Variants in VPS8 observed in about 807,000 individuals in gnomAD.
VPS8 encodes the protein vacuolar protein sorting-associated protein 8 homolog.
Under a neutral mutation model 216.4 loss-of-function variants are expected in VPS8, and 129 were observed. The observed-to-expected ratio is 0.60, with a 90% confidence interval of 0.52 to 0.69. The LOEUF is 0.69. Among genes scored for constraint, VPS8 ranks in the 30% least tolerant of loss-of-function variants. The pLI is 0.00. For synonymous variants in VPS8, 571 were observed against 565.4 expected, an observed-to-expected ratio of 1.01 and a Z score of -0.14; for missense variants, 1,531 against 1,683.5, an observed-to-expected ratio of 0.91 and a Z score of 1.59.
At chr3:184,934,695 C>T (rs1240191030) in intron 34 of VPS8, among the ~76,000 whole-genome samples, 1 of 151,848 alleles carries the variant, frequency 6.6e-6, no homozygotes, top group Non-Finnish European at 1.5e-5. Context: ...GGTATTAAAC[C>T]AACCTTGATT....
Position 185,052,508 on chromosome 3 carries a change from G to C in VPS8, c.*483G>C, listed in dbSNP as rs1714449838. 1 of 153,568 alleles carries C rather than the reference G, an allele frequency of 6.5e-6. No individual in the cohort carries two copies. The highest frequency in any genetic ancestry group is 2.4e-5 in the African/African-American group (1 of 41,472). 9.5% of individuals were successfully genotyped at this position (153,568 alleles called of 1,614,324 possible). A position where few individuals can be genotyped will look rare whatever the true frequency, so the allele number is the denominator to read the frequency against. Reference sequence around the variant, plus strand: ...ATGCCTTGGAGAGAGCAGACACTGTGGGGGCCAGGGCCATCTCCCTTTAAT... The same window carrying C: ...ATGCCTTGGAGAGAGCAGACACTGTCGGGGCCAGGGCCATCTCCCTTTAAT... On this transcript the variant is annotated 3_prime_UTR_variant, in exon 48 of 48. Transcript: ENST00000625842.
intron 25 of VPS8, chr3:184,901,464 A>G (rs183881331): frequency 1.3e-5 from 2 of 152,042 alleles, no homozygotes; most frequent in Admixed American, 6.5e-5. Context: ...GAATAATATA[A>G]TGCTGCTACA....
chr3:184,938,775 C>G (rs1029855174), intron 35 of VPS8, among the ~76,000 whole-genome samples: 3 of 150,996 alleles, frequency 2.0e-5, no homozygotes, highest in African/African-American at 7.3e-5. Context: ...CACCTATAAT[C>G]CTAGCATTTT....
intron 33 of VPS8, among the ~76,000 whole-genome samples, chr3:184,930,257 A>G (rs1490321049): frequency 6.6e-6 from 1 of 152,190 alleles, no homozygotes; most frequent in Non-Finnish European, 1.5e-5. Flanking sequence ...ATTCAAACCA[A>G]AATTAATTAG....
chr3:184,915,500 G>A, intron 28 of VPS8, 26 bp downstream of exon 28: 1 of 1,606,732 alleles, frequency 6.2e-7, no homozygotes, highest in Non-Finnish European at 8.5e-7. Flanking sequence ...ATTTTAAGGT[G>A]TTTTCAAAGA....
intron 28 of VPS8, among the ~76,000 whole-genome samples, chr3:184,917,391 G>T (rs2109104730): frequency 6.6e-6 from 1 of 152,150 alleles, no homozygotes; most frequent in African/African-American, 2.4e-5. Context: ...AAAAAATTTG[G>T]ACTTCCTTCT....
intron 22 of VPS8, among the ~76,000 whole-genome samples, chr3:184,888,012 G>T (rs1372777099): frequency 1.3e-5 from 2 of 148,284 alleles, no homozygotes; most frequent in African/African-American, 5.0e-5. Flanking sequence ...TTTGGAGACA[G>T]AATCTCGCTC....
rs547050508 is a variant in VPS8, at chr3:185,002,061, G to A, written c.4002+2200G>A. Among the ~76,000 whole-genome samples the A allele has an allele frequency of 5.9e-5, 9 of 152,276 alleles. 1 individual carries two copies. The South Asian group carries it at 1.9e-3, about 32-fold the overall frequency. On this transcript the variant is annotated intron_variant, in intron 45 of 47. Coordinates refer to ENST00000625842, the MANE Select transcript of VPS8 (RefSeq NM_001009921.3). ...GACGAGTTTAAGTGCAACAAACCCA[G>A]AACTAGAAGGTAAGTAGAATGAAAT...
chr3:184,940,001 C>T (rs141138252), intron 35 of VPS8, among the ~76,000 whole-genome samples, 196 bp from the exon 36 acceptor site: 6 of 152,044 alleles, frequency 3.9e-5, no homozygotes, highest in Non-Finnish European at 7.4e-5. Flanking sequence ...AGTGAATGTG[C>T]GACAGTGATT....
rs112846183 is a variant in VPS8, at chr3:184,969,607, T to C, written c.3317-2042T>C. On this transcript the variant is annotated intron_variant, in intron 39 of 47. Coordinates refer to ENST00000625842, the MANE Select transcript of VPS8 (RefSeq NM_001009921.3). Reference sequence around the variant, plus strand: ...ACCACTCCCAGCTAATCTTTGTATTTTTAGTTGAGATGGGGTTTCACCATG... The same window carrying C: ...ACCACTCCCAGCTAATCTTTGTATTCTTAGTTGAGATGGGGTTTCACCATG... Among the ~76,000 whole-genome samples, 304 of 151,034 alleles carry C rather than the reference T, an allele frequency of 2.0e-3. 1 individual carries two copies. The highest frequency in any genetic ancestry group is 0.01 in the Middle Eastern group (3 of 294).
chr3:184,842,186 C>CAAAAAAAAAAAAAAAAAAAAAAA (rs71162267), intron 7 of VPS8, among the ~76,000 whole-genome samples: 6 of 48,978 alleles, frequency 1.2e-4, no homozygotes, highest in East Asian at 2.1e-3. Flanking sequence ...GACTCCGTCT[C>CAAAAAAAAAAAAAAAAAAAAAAA]AAAAAAAAAA....
At chr3:185,023,675 A>AT (rs1756961351) in intron 45 of VPS8, among the ~76,000 whole-genome samples, 1 of 151,936 alleles carries the variant, frequency 6.6e-6, no homozygotes, top group Non-Finnish European at 1.5e-5. Flanking sequence ...TAAATAAATA[A>AT]TTAAAAAAAA....
At chr3:184,842,859 T>C (rs1722439752) in intron 7 of VPS8, among the ~76,000 whole-genome samples, 1 of 152,198 alleles carries the variant, frequency 6.6e-6, no homozygotes, top group South Asian at 2.1e-4. Context: ...GTACTTACCT[T>C]ATACAGAGTC....
intron 40 of VPS8, among the ~76,000 whole-genome samples, chr3:184,980,939 T>A (rs1750098809): frequency 6.6e-6 from 1 of 152,144 alleles, no homozygotes; most frequent in African/African-American, 2.4e-5. Context: ...TATAAGCTGG[T>A]GTATCTTTAA....
chr3:184,940,006 G>C (rs945848129), intron 35 of VPS8, among the ~76,000 whole-genome samples, 191 bp from the exon 36 acceptor site: 1 of 152,150 alleles, frequency 6.6e-6, no homozygotes, highest in Non-Finnish European at 1.5e-5. Context: ...ATGTGCGACA[G>C]TGATTAGAAT....
intron 45 of VPS8, among the ~76,000 whole-genome samples, chr3:185,017,034 C>G (rs1171681387): frequency 1.3e-5 from 2 of 151,808 alleles, no homozygotes; most frequent in Non-Finnish European, 2.9e-5. Context: ...AAGGACATAC[C>G]CCATTTCATG....
chr3:184,895,118 T>G (rs1733148609), intron 23 of VPS8, among the ~76,000 whole-genome samples, 193 bp downstream of exon 23: 1 of 152,216 alleles, frequency 6.6e-6, no homozygotes, highest in African/African-American at 2.4e-5. Context: ...AAAGCTAGAA[T>G]ATAATTGCCT....
At chr3:184,999,152 G>C (rs1162907212) in intron 44 of VPS8, among the ~76,000 whole-genome samples, 1 of 152,162 alleles carries the variant, frequency 6.6e-6, no homozygotes, top group African/African-American at 2.4e-5. Flanking sequence ...CCGCCTCCCG[G>C]GTTGAAGCAA....
chr3:184,983,479 G>A (rs1750547521), intron 42 of VPS8, among the ~76,000 whole-genome samples: 1 of 152,112 alleles, frequency 6.6e-6, no homozygotes, highest in South Asian at 2.1e-4. Flanking sequence ...AGCATTGGTT[G>A]TTATTTAGGC....
Sources: gnomAD v4.1 joint callset for allele counts (sites outside exome capture counted in the v4.1 genomes callset) on GRCh38, gnomAD v4.1.1 for gene constraint, MANE v1.5 for transcripts, NCBI Gene and HGNC (gene_info 2026-07-23, HGNC 2026-07-21) for gene names.